The following NR3C1 variants were observed in gnomAD, a reference collection of about 807,000 sequenced individuals.
The protein encoded by NR3C1 is glucocorticoid receptor.
A neutral mutation model predicts 74.0 loss-of-function variants in NR3C1; 14 were observed. The observed-to-expected ratio is 0.19, with a 90% CI of 0.12 to 0.30. The LOEUF (loss-of-function observed/expected upper bound fraction) is 0.30, where lower values mean the gene tolerates loss of function less well. Among genes scored for constraint, NR3C1 ranks in the 10% least tolerant of loss-of-function variants. The pLI, the probability that NR3C1 is intolerant of heterozygous loss-of-function variation, is 1.00. For missense variants in NR3C1, 695 were observed against 909.8 expected (o/e 0.76, Z 3.04); for synonymous variants, 308 against 332.5 (o/e 0.93, Z 0.80).
intron 2 of NR3C1, among the ~76,000 whole-genome samples, chr5:143,367,871 T>G (rs1244851480): frequency 6.6e-6 from 1 of 152,156 alleles, no homozygotes; most frequent in Non-Finnish European, 1.5e-5. Flanking sequence ...AATTGCCTCT[T>G]TTTTTCTTCC....
At chr5:143,358,617 C>A (rs1279768164) in intron 2 of NR3C1, among the ~76,000 whole-genome samples, 2 of 152,086 alleles carry the variant, frequency 1.3e-5, no homozygotes, top group Non-Finnish European at 2.9e-5. Flanking sequence ...AAAATTAAAT[C>A]TTGGCCGGGC....
intron 1 of NR3C1, among the ~76,000 whole-genome samples, chr5:143,402,277 A>G (rs2151945556): frequency 6.6e-6 from 1 of 152,310 alleles, no homozygotes; most frequent in East Asian, 1.9e-4. Context: ...ATTTCCTAAA[A>G]CGAAAACGCT....
intron 2 of NR3C1, among the ~76,000 whole-genome samples, chr5:143,373,827 ATAGCAATGAGC>A (rs1834665766): frequency 2.6e-5 from 4 of 152,208 alleles, no homozygotes; most frequent in African/African-American, 9.7e-5. Flanking sequence ...ACCAAAGGGA[ATAGCAATGAGC>A]TGTTCCTTAA....
rs968988399 is a variant in NR3C1, at chr5:143,279,479, T to C, written c.*2410A>G. On this transcript the variant is annotated 3_prime_UTR_variant, in exon 9 of 9. Transcript: ENST00000394464. ...AACTTAACACTGTCATTGATAAGAA[T>C]ATTCAAGCAGTTTTCTTAGGCACCA... is the stretch of plus-strand genomic sequence containing the variant. The C allele has an allele frequency of 7.0e-7, 1 of 1,435,756 alleles. No homozygotes were observed. The highest frequency in any genetic ancestry group is 1.5e-5 in the African/African-American group (1 of 67,196). The allele number at this position is 1,435,756 out of a possible 1,614,324, so 88.9% of individuals were successfully genotyped here. A position where few individuals can be genotyped will look rare whatever the true frequency, so the allele number is the denominator to read the frequency against.
chr5:143,412,273 G>T lies in NR3C1; in HGVS notation c.-13-11421C>A, dbSNP rs1841319440. Among the ~76,000 whole-genome samples the T allele has an allele frequency of 5.1e-5, 7 of 138,136 alleles. No homozygotes were observed. In the South Asian group the frequency reaches 1.9e-3, roughly 37 times the overall value. The allele number at this position is 138,136 out of a possible 152,430, so 90.6% of individuals were successfully genotyped here. A position where few individuals can be genotyped will look rare whatever the true frequency, so the allele number is the denominator to read the frequency against. Reference sequence around the variant, plus strand: ...AATTGCCTCAAAGTGCAGGGGGGGAGGGGGGAGGGGAAGCCCCAAATACCA... The same window carrying T: ...AATTGCCTCAAAGTGCAGGGGGGGATGGGGGAGGGGAAGCCCCAAATACCA... On this transcript the variant is annotated intron_variant, in intron 1 of 8. Transcript: ENST00000343796.
At chr5:143,412,071 T>C (rs919943143) in intron 1 of NR3C1, among the ~76,000 whole-genome samples, 1 of 152,064 alleles carries the variant, frequency 6.6e-6, no homozygotes, top group Non-Finnish European at 1.5e-5. Context: ...GAAGACCTTC[T>C]GGTGAAGAGT....
intron 1 of NR3C1, among the ~76,000 whole-genome samples, chr5:143,401,677 T>A (rs994696855): frequency 6.6e-6 from 1 of 152,244 alleles, no homozygotes; most frequent in Non-Finnish European, 1.5e-5. Flanking sequence ...ACATCTAGAT[T>A]AAGCTACATT....
At chr5:143,414,553 G>C (rs879388796) in intron 1 of NR3C1, among the ~76,000 whole-genome samples, 2 of 152,118 alleles carry the variant, frequency 1.3e-5, no homozygotes, top group Admixed American at 1.3e-4. Context: ...TCTTGATCCT[G>C]ATTTTCATTT....
chr5:143,352,238 T>C lies in NR3C1; in HGVS notation c.1185-38070A>G, dbSNP rs146310991. 2.1e-3 allele frequency among the ~76,000 whole-genome samples: 319 copies of C among 152,262 alleles called. 1 individual carries two copies. The highest frequency in any genetic ancestry group is 6.7e-3 in the African/African-American group (279 of 41,550). On this transcript the variant is annotated intron_variant, in intron 2 of 8. Coordinates refer to ENST00000394464, the MANE Select transcript of NR3C1 (RefSeq NM_000176.3). ...CTTGTCTTGGTACTACATTGTAATA[T>C]GGGGTAAGTGGTTGTAAAGTGATCC... is the stretch of plus-strand genomic sequence containing the variant.
intron 1 of NR3C1, among the ~76,000 whole-genome samples, chr5:143,409,409 C>T (rs906371407): frequency 6.6e-6 from 1 of 152,134 alleles, no homozygotes; most frequent in African/African-American, 2.4e-5. Flanking sequence ...TACTCTCTCA[C>T]TTTAAATGTG....
At chr5:143,429,016 C>G (rs1751677550) in intron 1 of NR3C1, among the ~76,000 whole-genome samples, 1 of 152,226 alleles carries the variant, frequency 6.6e-6, no homozygotes, top group Non-Finnish European at 1.5e-5. Flanking sequence ...CAGGCATACT[C>G]TTATCACCAG....
intron 1 of NR3C1, among the ~76,000 whole-genome samples, chr5:143,433,474 A>AAATTATATATATATATAATTTATTT (rs1751969622): frequency 9.4e-5 from 2 of 21,276 alleles, no homozygotes; most frequent in Admixed American, 5.6e-4. Context: ...ATATATATTT[A>AAATTATATATATATATAATTTATTT]ATTTCATCTT....
At chr5:143,366,618 TGAAA>T (rs1004899570) in intron 2 of NR3C1, among the ~76,000 whole-genome samples, 11 of 150,390 alleles carry the variant, frequency 7.3e-5, no homozygotes, top group African/African-American at 2.7e-4. Context: ...GAATCCGAAA[TGAAA>T]GAGTGAACAT....
chr5:143,402,603 T>C, intron 1 of NR3C1: 2 of 985,414 alleles, frequency 2.0e-6, no homozygotes, highest in Non-Finnish European at 2.4e-6. Context: ...CGTCCAGACC[T>C]GTTGAGTTCT....
chr5:143,285,498 CAGAACATTAATCT>C (rs1425381682), intron 7 of NR3C1, among the ~76,000 whole-genome samples: 1 of 152,094 alleles, frequency 6.6e-6, no homozygotes, highest in Non-Finnish European at 1.5e-5. Flanking sequence ...CAAGTATACA[CAGAACATTAATCT>C]AGAACATAAA....
At chr5:143,299,234 G>A (rs549433033) in intron 5 of NR3C1, among the ~76,000 whole-genome samples, 187 of 151,428 alleles carry the variant, frequency 1.2e-3, no homozygotes, top group Non-Finnish European at 2.0e-3. Flanking sequence ...GGCTGGTCTC[G>A]AACTCCTGAC....
intron 4 of NR3C1, 98 bp downstream of exon 4, chr5:143,309,996 GACT>G (rs1820559694): frequency 1.1e-6 from 1 of 895,636 alleles, no homozygotes. Flanking sequence ...ATACTGAACT[GACT>G]ACATTAATTA....
intron 1 of NR3C1, among the ~76,000 whole-genome samples, chr5:143,418,353 C>G (rs1377371751): frequency 6.6e-6 from 1 of 152,214 alleles, no homozygotes; most frequent in Non-Finnish European, 1.5e-5. Flanking sequence ...CTTTGTCCCC[C>G]TTTCTTCCTG....
chr5:143,369,855 CAA>C (rs1331738612), intron 2 of NR3C1, among the ~76,000 whole-genome samples: 3 of 152,118 alleles, frequency 2.0e-5, no homozygotes, highest in Non-Finnish European at 4.4e-5. Flanking sequence ...CATTCTGTTC[CAA>C]ACTTACTAGA....
Sources: gnomAD v4.1 joint callset for allele counts (sites outside exome capture counted in the v4.1 genomes callset) on GRCh38, gnomAD v4.1.1 for gene constraint, MANE v1.5 for transcripts, NCBI Gene and HGNC (gene_info 2026-07-23, HGNC 2026-07-21) for gene names.